The following PAPPA2 variants were observed in gnomAD, a reference collection of about 807,000 sequenced individuals.
The protein encoded by PAPPA2 is pappalysin 2.
A neutral mutation model predicts 176.4 loss-of-function variants in PAPPA2; 86 were observed. The ratio of observed to expected loss-of-function variants is 0.49; its 90% CI spans 0.41 to 0.58. The LOEUF is 0.58. PAPPA2 is among the 20% of genes least tolerant of loss of function. The pLI, the probability that PAPPA2 is intolerant of heterozygous loss-of-function variation, is 0.00. For synonymous variants in PAPPA2, 809 were observed against 852.2 expected, an observed-to-expected ratio of 0.95 and a Z score of 0.88; for missense variants, 2,073 against 2,256.9, an observed-to-expected ratio of 0.92 and a Z score of 1.65.
intron 2 of PAPPA2, among the ~76,000 whole-genome samples, chr1:176,569,571 A>G (rs1652196436): frequency 6.6e-6 from 1 of 152,152 alleles, no homozygotes; most frequent in African/African-American, 2.4e-5. Flanking sequence ...TTGAGCTCCT[A>G]CTGTCTGCCA....
At chr1:176,707,393 C>T (rs755988725) in intron 10 of PAPPA2, among the ~76,000 whole-genome samples, 6 of 152,062 alleles carry the variant, frequency 3.9e-5, no homozygotes, top group Admixed American at 6.6e-5. Flanking sequence ...AAAGGCCCAT[C>T]GTGTGCTATA....
intron 1 of PAPPA2, among the ~76,000 whole-genome samples, chr1:176,523,620 A>G (rs1225659284): frequency 6.6e-6 from 1 of 152,240 alleles, no homozygotes; most frequent in East Asian, 1.9e-4. Flanking sequence ...TTTCATTTGG[A>G]AATTCATTTA....
intron 3 of PAPPA2, among the ~76,000 whole-genome samples, chr1:176,656,592 C>T (rs905082305): frequency 4.6e-5 from 7 of 151,802 alleles, no homozygotes; most frequent in African/African-American, 7.3e-5. Context: ...GTAACTGGAG[C>T]GGACATGATG....
At chr1:176,653,335 C>T (rs894295364) in intron 3 of PAPPA2, among the ~76,000 whole-genome samples, 2 of 151,602 alleles carry the variant, frequency 1.3e-5, no homozygotes, top group African/African-American at 4.8e-5. Flanking sequence ...GTAATGACAC[C>T]AACCCTCAAA....
intron 17 of PAPPA2, among the ~76,000 whole-genome samples, chr1:176,778,607 A>G (rs925542423): frequency 3.9e-5 from 6 of 152,222 alleles, no homozygotes. Context: ...TTAAAAAATT[A>G]TAAAAGTAAT....
intron 15 of PAPPA2, among the ~76,000 whole-genome samples, chr1:176,766,348 C>T (rs1013210140): frequency 6.6e-6 from 1 of 152,180 alleles, no homozygotes; most frequent in Non-Finnish European, 1.5e-5. Flanking sequence ...CTACAAGCTC[C>T]ATTTCAAATT....
chr1:176,634,190 AC>A (rs1353940753), intron 3 of PAPPA2, among the ~76,000 whole-genome samples: 2 of 152,194 alleles, frequency 1.3e-5, no homozygotes, highest in African/African-American at 4.8e-5. Flanking sequence ...CTTGGAACCA[AC>A]CCAAATGCCC....
At chr1:176,772,164 C>CT (rs1323816530) in intron 17 of PAPPA2, among the ~76,000 whole-genome samples, 1 of 152,112 alleles carries the variant, frequency 6.6e-6, no homozygotes, top group East Asian at 1.9e-4. Flanking sequence ...GGAAAAGAAA[C>CT]TTTTTCTGAG....
chr1:176,634,820 AG>A (rs1656576049), intron 3 of PAPPA2, among the ~76,000 whole-genome samples: 8 of 141,866 alleles, frequency 5.6e-5, no homozygotes, highest in African/African-American at 2.2e-4. Flanking sequence ...ATAGATAGAT[AG>A]ATAGATAGAT....
chr1:176,476,635 A>C (rs574881506), intron 1 of PAPPA2, among the ~76,000 whole-genome samples: 8 of 152,150 alleles, frequency 5.3e-5, no homozygotes, highest in Non-Finnish European at 7.4e-5. Context: ...CAAAGCTAGC[A>C]CTTTGGACCT....
chr1:176,566,673 G>A (rs1652002492), intron 2 of PAPPA2, among the ~76,000 whole-genome samples: 1 of 152,128 alleles, frequency 6.6e-6, no homozygotes, highest in East Asian at 1.9e-4. Context: ...ATCACTTTTG[G>A]CAGCCCACAT....
In PAPPA2 at chr1:176,712,035, G is replaced by A. The variant is rs941479833; in HGVS notation, c.3798+54G>A. On this transcript the variant is annotated intron_variant, in intron 12 of 22. Transcript: ENST00000367662. Reference sequence around the variant, plus strand: ...ATGTGAAAGGTGTAAGCATATGTGTGTGTGTGTGTGTGTGTGTGTGTGTAA... The same window carrying A: ...ATGTGAAAGGTGTAAGCATATGTGTATGTGTGTGTGTGTGTGTGTGTGTAA... 11 of 1,459,670 alleles carry A rather than the reference G, an allele frequency of 7.5e-6. No individual in the cohort carries two copies. The South Asian group carries it at 1.4e-4, about 19-fold the overall frequency. The allele number at this position is 1,459,670 out of a possible 1,614,324, so 90.4% of individuals were successfully genotyped here.
chr1:176,793,424 C>T, intron 19 of PAPPA2, 136 bp from the exon 20 acceptor site: 1 of 692,694 alleles, frequency 1.4e-6, no homozygotes, highest in Non-Finnish European at 2.5e-6. Context: ...AATATCAGCC[C>T]TGCCTACAAC....
intron 3 of PAPPA2, among the ~76,000 whole-genome samples, chr1:176,598,361 G>A (rs563969816): frequency 6.6e-5 from 10 of 151,844 alleles, no homozygotes; most frequent in Non-Finnish European, 1.5e-4. Flanking sequence ...GATTTCTGAT[G>A]ATACAGACAA....
chr1:176,635,151 A>G (rs1478913502), intron 3 of PAPPA2, among the ~76,000 whole-genome samples: 1 of 152,166 alleles, frequency 6.6e-6, no homozygotes, highest in Admixed American at 6.6e-5. Flanking sequence ...TATAGGCAGA[A>G]GTTTTCAGGT....
chr1:176,543,800 G>T (rs772480365), intron 1 of PAPPA2, among the ~76,000 whole-genome samples: 1 of 152,210 alleles, frequency 6.6e-6, no homozygotes, highest in Non-Finnish European at 1.5e-5. Context: ...TTGAGGTGAA[G>T]ACAGTAACTA....
At chr1:176,777,520 T>C (rs1036708444) in intron 17 of PAPPA2, among the ~76,000 whole-genome samples, 7 of 152,304 alleles carry the variant, frequency 4.6e-5, no homozygotes, top group Middle Eastern at 6.8e-3. Context: ...GAAGGTAATG[T>C]AGTCAAATGG....
At chr1:176,716,347 G>A (rs1661371421) in intron 12 of PAPPA2, among the ~76,000 whole-genome samples, 1 of 150,732 alleles carries the variant, frequency 6.6e-6, no homozygotes, top group African/African-American at 2.4e-5. Flanking sequence ...TCGGGTTCAA[G>A]CGATTCTCCT....
intron 2 of PAPPA2, among the ~76,000 whole-genome samples, chr1:176,559,823 C>T (rs1341217629): frequency 2.0e-5 from 3 of 152,206 alleles, no homozygotes; most frequent in Non-Finnish European, 4.4e-5. Flanking sequence ...GCTCTCAAAG[C>T]GTAGCTTCTA....
Sources: gnomAD v4.1 joint callset for allele counts (sites outside exome capture counted in the v4.1 genomes callset) on GRCh38, gnomAD v4.1.1 for gene constraint, MANE v1.5 for transcripts, NCBI Gene and HGNC (gene_info 2026-07-23, HGNC 2026-07-21) for gene names.